IFT56: variants seen among roughly 807,000 people sequenced by gnomAD.
The protein encoded by IFT56 is intraflagellar transport protein 56.
the IFT56 span, among the ~76,000 whole-genome samples, chr7:139,135,783 GGTCTGGT>G: frequency 6.6e-6 from 1 of 152,210 alleles, no homozygotes; most frequent in East Asian, 1.9e-4. Context: ...CTGACAGCAT[GGTCTGGT>G]TGTGTTGTAC....
At chr7:139,173,121 C>T in the IFT56 span, 1 of 692,136 alleles carries the variant, frequency 1.4e-6, no homozygotes, top group South Asian at 1.6e-5. Flanking sequence ...TGGACTGTGG[C>T]ATGGATGGAT....
the IFT56 span, chr7:139,147,051 A>T: frequency 1.3e-6 from 2 of 1,574,178 alleles, no homozygotes; most frequent in Admixed American, 1.8e-5. Flanking sequence ...ATGGCTAAAG[A>T]AGGAAGAGTT....
At chr7:139,178,192 G>T in the IFT56 span, 28 of 1,584,760 alleles carry the variant, frequency 1.8e-5, no homozygotes, top group African/African-American at 2.0e-4. Flanking sequence ...TATATGTGGG[G>T]TTTTTTTCCC....
At chr7:139,174,883 A>C in the IFT56 span, among the ~76,000 whole-genome samples, 1 of 152,016 alleles carries the variant, frequency 6.6e-6, no homozygotes, top group African/African-American at 2.4e-5. Context: ...TTAGCTGGGC[A>C]TGGTGGTGGC....
At chr7:139,187,330 A>G in the IFT56 span, 1 of 1,550,436 alleles carries the variant, frequency 6.4e-7, no homozygotes, top group South Asian at 1.2e-5. Flanking sequence ...GTCCCGTTTC[A>G]TGTTATCTTT....
the IFT56 span, chr7:139,178,411 C>A: frequency 1.4e-6 from 2 of 1,381,800 alleles, no homozygotes; most frequent in Non-Finnish European, 2.0e-6. Flanking sequence ...GCATTAGTGG[C>A]ATCAACTAAT....
the IFT56 span, among the ~76,000 whole-genome samples, chr7:139,156,903 A>C: frequency 1.3e-5 from 2 of 152,156 alleles, no homozygotes; most frequent in Non-Finnish European, 2.9e-5. Context: ...GGGTCTAGCA[A>C]GTTTTGCCAT....
the IFT56 span, chr7:139,165,192 C>A: frequency 6.2e-7 from 1 of 1,613,566 alleles, no homozygotes; most frequent in Middle Eastern, 1.7e-4. Context: ...TGATGTCATT[C>A]CTGAAGCTAG....
chr7:139,133,829 T>C, the IFT56 span: 4 of 1,614,074 alleles, frequency 2.5e-6, no homozygotes, highest in Non-Finnish European at 3.4e-6. Context: ...CTTCGCTGTG[T>C]GGTGGGGACT....
chr7:139,146,406 A>G, the IFT56 span, among the ~76,000 whole-genome samples: 4 of 152,242 alleles, frequency 2.6e-5, no homozygotes, highest in Non-Finnish European at 5.9e-5. Flanking sequence ...TAAAAATTGA[A>G]TACACTAGGT....
chr7:139,173,414 A>G, the IFT56 span: 3 of 523,540 alleles, frequency 5.7e-6, no homozygotes. Flanking sequence ...TTTTTACTAG[A>G]GACGAGGTTT....
At chr7:139,181,679 A>G in the IFT56 span, among the ~76,000 whole-genome samples, 15 of 152,194 alleles carry the variant, frequency 9.9e-5, no homozygotes, top group Admixed American at 1.3e-4. Context: ...ATAGCCTACT[A>G]TACACTTGGG....
chr7:139,136,902 G>A, the IFT56 span, among the ~76,000 whole-genome samples: 2 of 152,220 alleles, frequency 1.3e-5, no homozygotes, highest in Non-Finnish European at 2.9e-5. Context: ...AATTCAGGGA[G>A]ACCTCACATG....
the IFT56 span, among the ~76,000 whole-genome samples, chr7:139,135,292 A>C: frequency 4.2e-4 from 63 of 148,502 alleles, no homozygotes; most frequent in Middle Eastern, 3.4e-3. Flanking sequence ...AAAAAAAAAA[A>C]AAAAAACAAA....
chr7:139,177,908 A>T, the IFT56 span, among the ~76,000 whole-genome samples: 1 of 152,104 alleles, frequency 6.6e-6, no homozygotes, highest in Non-Finnish European at 1.5e-5. Flanking sequence ...GAATGTGCAC[A>T]TGTTGGATGA....
At chr7:139,161,939 T>G in the IFT56 span, among the ~76,000 whole-genome samples, 1 of 152,236 alleles carries the variant, frequency 6.6e-6, no homozygotes, top group Non-Finnish European at 1.5e-5. Flanking sequence ...GGTTACATAA[T>G]AGTCTGGAAT....
the IFT56 span, chr7:139,140,022 T>A: frequency 7.0e-7 from 1 of 1,436,410 alleles, no homozygotes. Flanking sequence ...GGCTCTTATA[T>A]CTGATATTCT....
chr7:139,140,091 C>A, the IFT56 span: 3 of 843,902 alleles, frequency 3.6e-6, no homozygotes, highest in South Asian at 2.2e-5. Flanking sequence ...TCCTTTTTCT[C>A]TTGAGAAAAA....
At chr7:139,163,940 C>T in the IFT56 span, among the ~76,000 whole-genome samples, 3 of 152,172 alleles carry the variant, frequency 2.0e-5, no homozygotes, top group African/African-American at 4.8e-5. Flanking sequence ...ATTTGTGAAA[C>T]AGTTTGCTAC....
Sources: allele counts gnomAD v4.1 joint callset (sites outside exome capture counted in the v4.1 genomes callset), GRCh38; gene constraint gnomAD v4.1.1; transcripts MANE v1.5; gene names NCBI Gene and HGNC (gene_info 2026-07-23, HGNC 2026-07-21).